The following RBPMS variants were observed in gnomAD, a reference collection of about 807,000 sequenced individuals.
RBPMS encodes the protein RNA-binding protein with multiple splicing.
A neutral mutation model predicts 26.8 loss-of-function variants in RBPMS; 7 were observed. The ratio of observed to expected loss-of-function variants is 0.26; its 90% CI spans 0.15 to 0.49. The LOEUF (loss-of-function observed/expected upper bound fraction) is 0.49, where lower values mean the gene tolerates loss of function less well. RBPMS is among the 20% of genes least tolerant of loss of function. The pLI is 0.98. For synonymous variants in RBPMS, 96 were observed against 93.3 expected, an observed-to-expected ratio of 1.03 and a Z score of -0.17; for missense variants, 186 against 250.0, an observed-to-expected ratio of 0.74 and a Z score of 1.73.
In RBPMS at chr8:30,431,493, C is replaced by T. The variant is rs192865953; in HGVS notation, c.67-43286C>T. Among the ~76,000 whole-genome samples the T allele has an allele frequency of 2.0e-3, 304 of 151,770 alleles. 1 individual carries two copies. Among genetic ancestry groups the T allele is most frequent in the African/African-American group, 6.9e-3 (287 of 41,368 alleles). ...CTTGAGACGGACTCTCTCATTCTGT[C>T]GCCCAGACTGGAGTACAGTGGTGTG... is the stretch of plus-strand genomic sequence containing the variant. On this transcript the variant is annotated intron_variant, in intron 1 of 8. Transcript: ENST00000397323.
chr8:30,410,874 T>C (rs909074427), intron 1 of RBPMS, among the ~76,000 whole-genome samples: 2 of 152,066 alleles, frequency 1.3e-5, no homozygotes, highest in African/African-American at 2.4e-5. Flanking sequence ...AAGCCAGGAC[T>C]GCACGTGCAC....
intron 1 of RBPMS, 118 bp downstream of exon 1, chr8:30,385,276 A>T: frequency 1.6e-6 from 1 of 631,786 alleles, no homozygotes. Flanking sequence ...CGTGCCCCGG[A>T]CGCAGCCCCA....
chr8:30,531,952 T>G (rs1824267535), intron 5 of RBPMS, among the ~76,000 whole-genome samples: 1 of 152,058 alleles, frequency 6.6e-6, no homozygotes, highest in African/African-American at 2.4e-5. Context: ...CCCAAGGTAC[T>G]TAGCCAGTTT....
intron 6 of RBPMS, among the ~76,000 whole-genome samples, chr8:30,549,288 CT>C (rs1826102808): frequency 6.6e-6 from 1 of 152,188 alleles, no homozygotes; most frequent in South Asian, 2.1e-4. Context: ...CACTTGACCC[CT>C]GACCCCAGAC....
chr8:30,537,884 A>G (rs1422097109), intron 5 of RBPMS, among the ~76,000 whole-genome samples: 1 of 152,212 alleles, frequency 6.6e-6, no homozygotes, highest in Non-Finnish European at 1.5e-5. Context: ...GGACATGGGA[A>G]GTGATGGAGG....
At chr8:30,544,683 G>T in intron 6 of RBPMS, 59 bp downstream of exon 6, 8 of 1,608,730 alleles carry the variant, frequency 5.0e-6, no homozygotes, top group Non-Finnish European at 6.8e-6. Context: ...TTTCAAACTT[G>T]GTTCCCGAGA....
intron 4 of RBPMS, among the ~76,000 whole-genome samples, chr8:30,489,968 G>A (rs543895533): frequency 1.7e-4 from 26 of 151,978 alleles, no homozygotes; most frequent in South Asian, 1.3e-3. Flanking sequence ...CCGCCACCAC[G>A]CCCGGCTAAT....
chr8:30,511,565 ATATT>A (rs1821708675), intron 5 of RBPMS, among the ~76,000 whole-genome samples: 2 of 147,380 alleles, frequency 1.4e-5, no homozygotes, highest in Non-Finnish European at 3.0e-5. Context: ...ATAGATATAT[ATATT>A]TGTGTATATA....
At chr8:30,466,052 T>G (rs1217970264) in intron 1 of RBPMS, among the ~76,000 whole-genome samples, 1 of 152,160 alleles carries the variant, frequency 6.6e-6, no homozygotes, top group Non-Finnish European at 1.5e-5. Context: ...CCAAAAACTT[T>G]GTGATCACCT....
At chr8:30,385,949 A>G (rs996030558) in intron 1 of RBPMS, among the ~76,000 whole-genome samples, 1 of 152,218 alleles carries the variant, frequency 6.6e-6, no homozygotes, top group African/African-American at 2.4e-5. Context: ...AGTCGGACTC[A>G]GGAACAAACG....
intron 6 of RBPMS, among the ~76,000 whole-genome samples, chr8:30,549,831 C>CTTTCT (rs1826203502): frequency 8.5e-6 from 1 of 117,724 alleles, no homozygotes; most frequent in African/African-American, 3.4e-5. Flanking sequence ...TCTCTCTTTT[C>CTTTCT]TTTCTTTTCT....
At chr8:30,423,440 C>T (rs1811016302) in intron 1 of RBPMS, among the ~76,000 whole-genome samples, 1 of 152,114 alleles carries the variant, frequency 6.6e-6, no homozygotes, top group Non-Finnish European at 1.5e-5. Context: ...GGCTGGGCTG[C>T]AAAGGGGAAG....
intron 8 of RBPMS, among the ~76,000 whole-genome samples, chr8:30,567,439 CACATAGGGCAGCTG>C (rs1827978697): frequency 6.6e-6 from 1 of 152,210 alleles, no homozygotes. Context: ...TTTTTCACAT[CACATAGGGCAGCTG>C]GGTCTATCCC....
chr8:30,562,162 C>T (rs763693167), intron 7 of RBPMS: 18 of 432,274 alleles, frequency 4.2e-5, no homozygotes, highest in Non-Finnish European at 4.6e-5. Context: ...GAAACCCCGT[C>T]TCTACTAAAA....
intron 6 of RBPMS, among the ~76,000 whole-genome samples, chr8:30,551,724 T>C (rs1045363568): frequency 3.9e-5 from 6 of 152,128 alleles, no homozygotes; most frequent in African/African-American, 1.2e-4. Flanking sequence ...CACAGTCGGG[T>C]GCTGCTGAGC....
intron 1 of RBPMS, among the ~76,000 whole-genome samples, chr8:30,455,519 T>C (rs1815096271): frequency 6.6e-6 from 1 of 152,142 alleles, no homozygotes; most frequent in South Asian, 2.1e-4. Context: ...TGGGGAAAGC[T>C]GCTTTGGGGA....
intron 5 of RBPMS, among the ~76,000 whole-genome samples, chr8:30,517,380 G>C (rs1054595193): frequency 2.0e-5 from 3 of 152,058 alleles, no homozygotes; most frequent in Non-Finnish European, 4.4e-5. Context: ...TCTGTGCTTC[G>C]TGTAGCCACT....
Position 30,384,716 on chromosome 8 carries a change from C to A in RBPMS, c.-377C>A. 5.5e-6 allele frequency: 1 copy of A among 180,360 alleles called. No individual in the cohort carries two copies. Among genetic ancestry groups the A allele is most frequent in the South Asian group, 1.8e-4 (1 of 5,526 alleles). 11.2% of individuals were successfully genotyped at this position (180,360 alleles called of 1,614,324 possible). On this transcript the variant is annotated 5_prime_UTR_variant, in exon 1 of 9. It adds an upstream start codon to the 5' untranslated region. Coordinates refer to ENST00000397323, the MANE Select transcript of RBPMS (RefSeq NM_001008710.3). The surrounding 1 kb of genome is among the most constrained non-coding windows in gnomAD (Gnocchi z 5.6). Reference sequence around the variant, plus strand: ...CAGCCCCAACTCTCCGCGCTTACTCCTGGGACGCGCGTCCTCGCCCCATCC... The same window carrying A: ...CAGCCCCAACTCTCCGCGCTTACTCATGGGACGCGCGTCCTCGCCCCATCC...
rs2075652618 is a variant in RBPMS, at chr8:30,529,828, A to ATGAT, written c.398-14666_398-14665insTGAT. 1.7e-4 allele frequency among the ~76,000 whole-genome samples: 26 copies of ATGAT among 149,282 alleles called. 1 individual carries two copies. In the Admixed American group the frequency reaches 1.8e-3, roughly 10 times the overall value. On this transcript the variant is annotated intron_variant, in intron 5 of 8. Coordinates refer to ENST00000397323, the MANE Select transcript of RBPMS (RefSeq NM_001008710.3). ...GAGTGCAATGGCATGATCTCGGCTC[A>ATGAT]CCGCATCCTTTGCTTTCCAGGTTCA...
Sources: gnomAD v4.1 joint callset for allele counts (sites outside exome capture counted in the v4.1 genomes callset) on GRCh38, gnomAD v4.1.1 for gene constraint, Gnocchi (gnomAD v3.1) non-coding constraint, MANE v1.5 for transcripts, NCBI Gene and HGNC (gene_info 2026-07-23, HGNC 2026-07-21) for gene names.